STIP1: variants seen among roughly 807,000 people sequenced by gnomAD.
STIP1 encodes the protein stress induced phosphoprotein 1.
Under a neutral mutation model 77.4 loss-of-function variants are expected in STIP1, and 16 were observed. The observed-to-expected ratio is 0.21, with a 90% CI of 0.14 to 0.31. The LOEUF (loss-of-function observed/expected upper bound fraction) is 0.31. Ranked by LOEUF, STIP1 falls within the 10% of genes least tolerant of loss-of-function variation. The probability of loss-of-function intolerance (pLI) is 1.00; values close to 1 mark genes in which losing one functional copy is unlikely to be tolerated. For missense variants in STIP1, 524 were observed against 684.8 expected, an observed-to-expected ratio of 0.77 and a Z score of 2.62; for synonymous variants, 258 against 246.6, an observed-to-expected ratio of 1.05 and a Z score of -0.44.
intron 2 of STIP1, 53 bp downstream of exon 2, chr11:64,193,340 C>G (rs550382917): frequency 6.3e-7 from 1 of 1,574,896 alleles, no homozygotes; most frequent in African/African-American, 1.3e-5. Flanking sequence ...TCCAGAAATG[C>G]CTTTTGGTGG....
intron 1 of STIP1, chr11:64,186,471 C>T (rs1946018880): frequency 2.1e-6 from 1 of 486,032 alleles, no homozygotes; most frequent in Non-Finnish European, 3.1e-6. Flanking sequence ...GCGGGGAGCG[C>T]CCATCGCCCC....
intron 1 of STIP1, among the ~76,000 whole-genome samples, chr11:64,192,798 G>T (rs188733433): frequency 1.3e-5 from 2 of 152,354 alleles, no homozygotes; most frequent in Middle Eastern, 6.8e-3. Context: ...GAGTGGCTTC[G>T]TGAGCTCCAT....
At chr11:64,202,574 T>C (rs1946231001) in intron 10 of STIP1, 2 of 382,896 alleles carry the variant, frequency 5.2e-6, no homozygotes, top group South Asian at 6.0e-5. Flanking sequence ...TCAGCAATGG[T>C]TTTGGATTCC....
intron 10 of STIP1, among the ~76,000 whole-genome samples, chr11:64,200,663 G>C (rs1946209621): frequency 6.6e-6 from 1 of 151,272 alleles, no homozygotes; most frequent in Admixed American, 6.6e-5. Flanking sequence ...AACTGGTCCT[G>C]GTCCATGGAG....
At chr11:64,192,994 C>A in intron 1 of STIP1, 84 bp from the exon 2 acceptor site, 2 of 1,311,940 alleles carry the variant, frequency 1.5e-6, no homozygotes, top group Non-Finnish European at 2.2e-6. Flanking sequence ...TTGTTGGTAA[C>A]TACATGAAAG....
intron 5 of STIP1, 87 bp from the exon 6 acceptor site, chr11:64,197,184 G>T: frequency 6.4e-7 from 1 of 1,557,522 alleles, no homozygotes; most frequent in South Asian, 1.2e-5. Context: ...CATGTTAGTT[G>T]CATTTCAGAA....
intron 1 of STIP1, among the ~76,000 whole-genome samples, chr11:64,190,795 GAC>G (rs1182511723): frequency 2.0e-5 from 3 of 152,082 alleles, no homozygotes; most frequent in Non-Finnish European, 4.4e-5. Flanking sequence ...AAGAGTTTGA[GAC>G]AAGCCTGGGC....
intron 8 of STIP1, among the ~76,000 whole-genome samples, chr11:64,198,299 G>T (rs12802950): frequency 0.019 from 2,839 of 151,754 alleles, 46 homozygotes; most frequent in Non-Finnish European, 0.027. Context: ...TGCAACCTCC[G>T]CCTCCCAGGT....
intron 7 of STIP1, 119 bp downstream of exon 7, chr11:64,197,714 C>A: frequency 6.5e-7 from 1 of 1,547,572 alleles, no homozygotes; most frequent in Non-Finnish European, 8.9e-7. Context: ...TAAGAAAGGG[C>A]TGGCAAGAAG....
chr11:64,197,753 A>G lies in STIP1; in HGVS notation c.903-101A>G. On this transcript the variant is annotated intron_variant, in intron 7 of 13. Coordinates refer to ENST00000305218, the MANE Select transcript of STIP1 (RefSeq NM_006819.3). ...ACCAGAGACAAGACAAAAGGTGTTG[A>G]AGGCAGTGATGCGGGCCTTTCTAGC... 6 of 1,563,062 alleles carry G rather than the reference A, an allele frequency of 3.8e-6. No homozygotes were observed. The South Asian group carries it at 5.9e-5, about 15-fold the overall frequency.
intron 12 of STIP1, 80 bp from the exon 13 acceptor site, chr11:64,203,370 A>T (rs568768533): frequency 6.3e-6 from 10 of 1,594,756 alleles, no homozygotes; most frequent in African/African-American, 1.3e-5. Context: ...CTTGTCAGTT[A>T]CCTCTGTTAT....
At chr11:64,191,475 G>A (rs1473020653) in intron 1 of STIP1, among the ~76,000 whole-genome samples, 2 of 151,792 alleles carry the variant, frequency 1.3e-5, no homozygotes, top group Non-Finnish European at 2.9e-5. Flanking sequence ...GCGTGGTGGC[G>A]GGTGACTGTA....
intron 8 of STIP1, among the ~76,000 whole-genome samples, chr11:64,198,362 G>A (rs541678569): frequency 1.3e-5 from 2 of 152,172 alleles, no homozygotes; most frequent in South Asian, 2.1e-4. Context: ...ACAGGTGCAC[G>A]CCACTATGCC....
intron 2 of STIP1, among the ~76,000 whole-genome samples, chr11:64,193,785 CAAAAA>C (rs906290365): frequency 6.7e-6 from 1 of 149,296 alleles, no homozygotes; most frequent in African/African-American, 2.5e-5. Flanking sequence ...GACCCTGTCT[CAAAAA>C]AAAAGGAAGA....
chr11:64,196,299 G>T (rs1946149298), intron 5 of STIP1, among the ~76,000 whole-genome samples: 1 of 151,310 alleles, frequency 6.6e-6, no homozygotes, highest in Non-Finnish European at 1.5e-5. Context: ...GGGAGGCTGA[G>T]GCAGAAGAAT....
intron 3 of STIP1, 54 bp downstream of exon 3, chr11:64,194,384 C>T (rs1405851403): frequency 1.2e-5 from 19 of 1,610,554 alleles, no homozygotes; most frequent in Non-Finnish European, 1.6e-5. Flanking sequence ...AATTTTGAGT[C>T]TTCACCCCTG....
At chr11:64,191,728 C>T (rs1946094655) in intron 1 of STIP1, among the ~76,000 whole-genome samples, 1 of 150,322 alleles carries the variant, frequency 6.7e-6, no homozygotes, top group East Asian at 1.9e-4. Context: ...AGTGAGGACA[C>T]TGTTCTGACA....
chr11:64,201,341 T>C (rs1265842837), intron 10 of STIP1, among the ~76,000 whole-genome samples: 1 of 152,202 alleles, frequency 6.6e-6, no homozygotes, highest in Middle Eastern at 3.2e-3. Flanking sequence ...GCGCCCGGCC[T>C]ATGTTTTATT....
chr11:64,197,316 G>T lies in STIP1; in HGVS notation c.718G>T (p.Asp240Tyr). 6.2e-7 allele frequency: 1 copy of T among 1,614,094 alleles called. No individual in the cohort carries two copies. The highest frequency in any genetic ancestry group is 8.5e-7 in the Non-Finnish European group (1 of 1,180,018). The stretch of plus-strand genomic sequence containing the variant: ...GGGGAACGATGCCTACAAGAAGAAA[G>T]ACTTTGACACAGCCTTGAAGCATTA... ...ELGNDAYKKKDFDTALKHYDK... is the reference protein window; with the variant it reads ...ELGNDAYKKKYFDTALKHYDK... Residue 240 changes from aspartate (D) to tyrosine (Y), a missense_variant, in exon 6 of 14, where the codon GAC (aspartate) becomes TAC (tyrosine). By Grantham distance (160) the Asp-to-Tyr change is radical. Transcript: ENST00000305218.
Sources: allele counts gnomAD v4.1 joint callset (sites outside exome capture counted in the v4.1 genomes callset), GRCh38; gene constraint gnomAD v4.1.1; transcripts MANE v1.5; gene names NCBI Gene and HGNC (gene_info 2026-07-23, HGNC 2026-07-21).